GRID2: variants seen among roughly 807,000 people sequenced by gnomAD.
GRID2 encodes glutamate ionotropic receptor delta type subunit 2.
In GRID2, 33 loss-of-function variants were observed where a neutral mutation model predicts 114.8. The observed-to-expected ratio is 0.29, with a 90% CI of 0.22 to 0.38. GRID2 has a LOEUF of 0.38. Among genes scored for constraint, GRID2 ranks in the 10% least tolerant of loss-of-function variants. GRID2 has a pLI of 1.00. For missense variants in GRID2, 1,184 were observed against 1,257.7 expected, an observed-to-expected ratio of 0.94 and a Z score of 0.89; for synonymous variants, 505 against 449.9, an observed-to-expected ratio of 1.12 and a Z score of -1.55.
intron 6 of GRID2, among the ~76,000 whole-genome samples, chr4:93,221,951 C>T (rs1744929339): frequency 2.6e-5 from 4 of 152,130 alleles, no homozygotes. Context: ...AGAGAATGTG[C>T]CCCAGCAGTG....
intron 8 of GRID2, among the ~76,000 whole-genome samples, chr4:93,382,827 T>C (rs1156273920): frequency 6.6e-6 from 1 of 151,992 alleles, no homozygotes; most frequent in Non-Finnish European, 1.5e-5. Flanking sequence ...AAATTAGACA[T>C]GTGACTGTAG....
chr4:92,818,303 T>C (rs150926899), intron 2 of GRID2, among the ~76,000 whole-genome samples: 1 of 152,098 alleles, frequency 6.6e-6, no homozygotes, highest in African/African-American at 2.4e-5. Context: ...AGATTCCTTC[T>C]TTTTTTTGTA....
At chr4:93,677,044 T>C (rs1724944245) in intron 14 of GRID2, among the ~76,000 whole-genome samples, 1 of 152,036 alleles carries the variant, frequency 6.6e-6, no homozygotes, top group African/African-American at 2.4e-5. Flanking sequence ...GGGTGACAGA[T>C]GGCAGCTGGA....
chr4:93,097,360 AC>A (rs1364724377), intron 3 of GRID2, among the ~76,000 whole-genome samples: 2 of 151,976 alleles, frequency 1.3e-5, no homozygotes, highest in African/African-American at 4.8e-5. Context: ...GGAAAAAAAA[AC>A]AATTTACAGA....
chr4:93,139,038 G>A (rs1735521384), intron 4 of GRID2, among the ~76,000 whole-genome samples: 1 of 152,084 alleles, frequency 6.6e-6, no homozygotes, highest in Admixed American at 6.5e-5. Context: ...TCAAGACTCA[G>A]GTTGTATAAA....
chr4:93,097,605 A>C (rs1731334987), intron 3 of GRID2, among the ~76,000 whole-genome samples: 1 of 151,904 alleles, frequency 6.6e-6, no homozygotes, highest in African/African-American at 2.4e-5. Context: ...TTAAAACTCC[A>C]CAGGTGCTTC....
At chr4:92,631,593 A>G (rs1263575304) in intron 2 of GRID2, among the ~76,000 whole-genome samples, 1 of 152,100 alleles carries the variant, frequency 6.6e-6, no homozygotes, top group Non-Finnish European at 1.5e-5. Flanking sequence ...ATTGTGATAG[A>G]GAAGTCTCAT....
At chr4:93,255,566 T>C (rs1749482510) in intron 8 of GRID2, among the ~76,000 whole-genome samples, 1 of 152,046 alleles carries the variant, frequency 6.6e-6, no homozygotes, top group Non-Finnish European at 1.5e-5. Flanking sequence ...ATGAATAGAT[T>C]AATGCCTTCT....
At chr4:93,275,995 G>C (rs1561074931) in intron 8 of GRID2, among the ~76,000 whole-genome samples, 1 of 151,710 alleles carries the variant, frequency 6.6e-6, no homozygotes, top group Non-Finnish European at 1.5e-5. Flanking sequence ...TCTGTGCTTA[G>C]AACTTTTATT....
At chr4:92,854,002 TAA>T (rs759655412) in intron 2 of GRID2, among the ~76,000 whole-genome samples, 7 of 139,856 alleles carry the variant, frequency 5.0e-5, no homozygotes, top group South Asian at 2.3e-4. Flanking sequence ...AATTTGAAAT[TAA>T]AAAAAAAAAA....
chr4:93,618,482 G>A lies in GRID2; in HGVS notation c.2194-7787G>A, dbSNP rs73841814. ...CTTCCTGTGGGCCAGAACAAACAAG[G>A]TGACTCCATTCCCCTCCTGAGACAC... On this transcript the variant is annotated intron_variant, in intron 13 of 15. Coordinates refer to ENST00000282020, the MANE Select transcript of GRID2 (RefSeq NM_001510.4). 4.4e-3 allele frequency among the ~76,000 whole-genome samples: 667 copies of A among 152,212 alleles called. 7 individuals are homozygous for A. Among genetic ancestry groups the A allele is most frequent in the African/African-American group, 0.015 (639 of 41,510 alleles).
At chr4:93,524,823 GTATATATATATATA>G (rs1300787035) in intron 13 of GRID2, among the ~76,000 whole-genome samples, 1 of 59,918 alleles carries the variant, frequency 1.7e-5, no homozygotes, top group Non-Finnish European at 2.9e-5. Flanking sequence ...ATGTATGTAT[GTATATATATATATA>G]TATATATATA....
At chr4:92,425,104 A>T (rs1290152963) in intron 1 of GRID2, among the ~76,000 whole-genome samples, 1 of 152,046 alleles carries the variant, frequency 6.6e-6, no homozygotes, top group Non-Finnish European at 1.5e-5. Flanking sequence ...CTACCAAGCC[A>T]AAAGAATTAT....
chr4:92,415,790 CTTTA>C (rs1217485167), intron 1 of GRID2, among the ~76,000 whole-genome samples: 1 of 89,630 alleles, frequency 1.1e-5, no homozygotes. Flanking sequence ...ATCACATTTT[CTTTA>C]TTCACTCATT....
intron 8 of GRID2, among the ~76,000 whole-genome samples, chr4:93,336,345 G>A (rs1759086969): frequency 6.6e-6 from 1 of 151,654 alleles, no homozygotes; most frequent in Non-Finnish European, 1.5e-5. Context: ...TATTTTTTAT[G>A]CTAATGTAGG....
chr4:93,254,474 C>A (rs781451361), intron 8 of GRID2, among the ~76,000 whole-genome samples: 3 of 152,062 alleles, frequency 2.0e-5, no homozygotes, highest in Non-Finnish European at 4.4e-5. Context: ...AATTCTTAAT[C>A]AGAAACTATG....
chr4:93,124,923 T>G (rs1301287192), intron 4 of GRID2, among the ~76,000 whole-genome samples: 2 of 152,136 alleles, frequency 1.3e-5, no homozygotes, highest in Non-Finnish European at 2.9e-5. Flanking sequence ...TTCATGAACA[T>G]AGAGGTCCTT....
chr4:92,310,960 T>C (rs1157199001), intron 1 of GRID2, among the ~76,000 whole-genome samples: 1 of 152,150 alleles, frequency 6.6e-6, no homozygotes, highest in African/African-American at 2.4e-5. Context: ...GATGTCTTTG[T>C]TGCAAACAAG....
intron 1 of GRID2, among the ~76,000 whole-genome samples, chr4:92,384,460 A>AT (rs1417567814): frequency 4.0e-5 from 2 of 50,116 alleles, no homozygotes; most frequent in African/African-American, 8.5e-5. Context: ...ATATATATAT[A>AT]TATATATATA....
Sources: gnomAD v4.1 joint callset for allele counts (sites outside exome capture counted in the v4.1 genomes callset) on GRCh38, gnomAD v4.1.1 for gene constraint, MANE v1.5 for transcripts, NCBI Gene and HGNC (gene_info 2026-07-23, HGNC 2026-07-21) for gene names.